DYNC1I1: variants seen among roughly 807,000 people sequenced by gnomAD.
The protein encoded by DYNC1I1 is dynein cytoplasmic 1 intermediate chain 1, also known as cytoplasmic dynein 1 intermediate chain 1.
Under a neutral mutation model 86.6 loss-of-function variants are expected in DYNC1I1, and 43 were observed. The observed-to-expected ratio is 0.50, with a 90% CI of 0.39 to 0.64. The LOEUF is 0.64. Ranked by LOEUF, DYNC1I1 falls within the 30% of genes least tolerant of loss-of-function variation. The pLI is 0.00. For synonymous variants in DYNC1I1, 262 were observed against 283.7 expected, an observed-to-expected ratio of 0.92 and a Z score of 0.77; for missense variants, 604 against 788.8, an observed-to-expected ratio of 0.77 and a Z score of 2.81.
chr7:96,096,863 G>T (rs6974235), intron 16 of DYNC1I1, among the ~76,000 whole-genome samples: 63,378 of 151,874 alleles, frequency 0.42, 14,229 homozygotes, highest in Non-Finnish European at 0.51. Flanking sequence ...GGCACAATAG[G>T]ATTATTATGA....
At chr7:95,904,291 C>G (rs1005904509) in intron 6 of DYNC1I1, among the ~76,000 whole-genome samples, 5 of 152,114 alleles carry the variant, frequency 3.3e-5, no homozygotes, top group Admixed American at 6.5e-5. Context: ...TTTCCCTGCT[C>G]ATCTGTGTAA....
intron 6 of DYNC1I1, among the ~76,000 whole-genome samples, chr7:95,871,452 C>T (rs1361193692): frequency 6.6e-6 from 1 of 152,156 alleles, no homozygotes; most frequent in African/African-American, 2.4e-5. Context: ...ACAGGAAGAT[C>T]GTTAAAAAAC....
At chr7:96,003,499 G>A (rs1794066516) in intron 10 of DYNC1I1, among the ~76,000 whole-genome samples, 1 of 152,104 alleles carries the variant, frequency 6.6e-6, no homozygotes, top group African/African-American at 2.4e-5. Flanking sequence ...TATGACCCAA[G>A]GACCCCTTTG....
At chr7:96,057,457 A>G (rs747004512) in intron 14 of DYNC1I1, among the ~76,000 whole-genome samples, 5 of 152,178 alleles carry the variant, frequency 3.3e-5, no homozygotes, top group Non-Finnish European at 7.3e-5. Context: ...CTGTTAAATA[A>G]AATGGTTTAA....
chr7:95,787,380 A>G (rs111498283), intron 1 of DYNC1I1, among the ~76,000 whole-genome samples: 2 of 152,196 alleles, frequency 1.3e-5, no homozygotes, highest in African/African-American at 4.8e-5. Flanking sequence ...TGGTGGTCCA[A>G]TTATGTTAAT....
intron 6 of DYNC1I1, among the ~76,000 whole-genome samples, chr7:95,910,898 A>G (rs1366320198): frequency 6.6e-6 from 1 of 152,194 alleles, no homozygotes; most frequent in African/African-American, 2.4e-5. Flanking sequence ...AATATTGGCC[A>G]TCATCATCTT....
intron 14 of DYNC1I1, among the ~76,000 whole-genome samples, chr7:96,043,716 A>AT (rs996230199): frequency 7.3e-4 from 108 of 147,466 alleles, no homozygotes; most frequent in African/African-American, 1.4e-3. Flanking sequence ...ATTTTTAGTA[A>AT]TTTTTTTTTT....
intron 6 of DYNC1I1, among the ~76,000 whole-genome samples, chr7:95,888,642 A>T (rs1406262979): frequency 4.6e-5 from 7 of 152,238 alleles, no homozygotes; most frequent in Admixed American, 3.9e-4. Context: ...AGACAAAAAA[A>T]TTGCCAAAGG....
At chr7:95,836,465 G>A (rs1789094359) in intron 5 of DYNC1I1, among the ~76,000 whole-genome samples, 1 of 151,448 alleles carries the variant, frequency 6.6e-6, no homozygotes, top group Non-Finnish European at 1.5e-5. Flanking sequence ...CTCTTCTCGA[G>A]GAGTATCTTT....
In DYNC1I1 at chr7:96,007,926, T is replaced by C. The variant is rs139057125; in HGVS notation, c.969+11853T>C. 3.2e-3 allele frequency among the ~76,000 whole-genome samples: 487 copies of C among 152,286 alleles called. 3 individuals carry two copies. Among genetic ancestry groups the C allele is most frequent in the Middle Eastern group, 0.01 (3 of 294 alleles). ...CTGAGCCTGAGGGGCCACAGTCCAT[T>C]TCTCTGGTTAAGCTAGGTCAGTACC... On this transcript the variant is annotated intron_variant, in intron 10 of 16. Coordinates refer to ENST00000447467, the MANE Select transcript of DYNC1I1 (RefSeq NM_001135556.2).
intron 6 of DYNC1I1, among the ~76,000 whole-genome samples, chr7:95,909,416 C>A (rs1057434124): frequency 6.6e-6 from 1 of 152,004 alleles, no homozygotes; most frequent in African/African-American, 2.4e-5. Context: ...CATTTTTAAA[C>A]CTGTGTTTAT....
At chr7:96,103,755 G>C (rs551283285) in intron 16 of DYNC1I1, among the ~76,000 whole-genome samples, 1 of 152,202 alleles carries the variant, frequency 6.6e-6, no homozygotes, top group African/African-American at 2.4e-5. Flanking sequence ...TGGGATTACA[G>C]GCATATACCA....
chr7:96,066,573 T>A (rs1789997788), intron 14 of DYNC1I1, among the ~76,000 whole-genome samples: 1 of 152,196 alleles, frequency 6.6e-6, no homozygotes. Context: ...CCTGGGTACC[T>A]CCTTGTGATA....
At chr7:95,868,578 A>AGAG (rs896403083) in intron 5 of DYNC1I1, among the ~76,000 whole-genome samples, 9 of 152,060 alleles carry the variant, frequency 5.9e-5, no homozygotes, top group African/African-American at 2.2e-4. Context: ...TTTCTCCCAC[A>AGAG]GAGACGCATG....
intron 2 of DYNC1I1, among the ~76,000 whole-genome samples, chr7:95,807,021 A>G (rs1395313965): frequency 1.3e-5 from 2 of 152,142 alleles, no homozygotes; most frequent in Non-Finnish European, 2.9e-5. Flanking sequence ...GGAGAAAGGA[A>G]TGATGTCTTC....
intron 6 of DYNC1I1, among the ~76,000 whole-genome samples, chr7:95,896,392 G>C (rs111590900): frequency 1.3e-5 from 2 of 152,128 alleles, no homozygotes; most frequent in African/African-American, 4.8e-5. Context: ...CTAATAATGC[G>C]TGCTTATATT....
In DYNC1I1 at chr7:95,777,647, T is replaced by C. The variant is rs951966390; in HGVS notation, c.-10+4874T>C. Among the ~76,000 whole-genome samples, 4 of 152,184 alleles carry C rather than the reference T, an allele frequency of 2.6e-5. No individual in the cohort carries two copies. In the East Asian group the frequency reaches 7.7e-4, roughly 29 times the overall value. ...TCGCATAGAACAACCCACTGTTTCA[T>C]TTTGGGGGTTCAGAACAGCTAATGC... On this transcript the variant is annotated intron_variant, in intron 1 of 16. Coordinates refer to ENST00000447467, the MANE Select transcript of DYNC1I1 (RefSeq NM_001135556.2).
Position 96,092,085 on chromosome 7 carries a change from C to T in DYNC1I1, c.1777-5398C>T, listed in dbSNP as rs146357771. On this transcript the variant is annotated intron_variant, in intron 16 of 16. Transcript: ENST00000447467. ...TTGAAAGAACTCTTTCCCTGTCCCCCGTTCATGAAAGTTAGCTATTATTAA... is the reference window on the plus strand; with the variant it reads ...TTGAAAGAACTCTTTCCCTGTCCCCTGTTCATGAAAGTTAGCTATTATTAA... 2.4e-3 allele frequency among the ~76,000 whole-genome samples: 369 copies of T among 152,064 alleles called. 3 individuals are homozygous for T. Among genetic ancestry groups the T allele is most frequent in the African/African-American group, 8.4e-3 (349 of 41,474 alleles).
intron 5 of DYNC1I1, among the ~76,000 whole-genome samples, chr7:95,852,623 C>T (rs750725793): frequency 6.6e-6 from 1 of 152,096 alleles, no homozygotes; most frequent in African/African-American, 2.4e-5. Flanking sequence ...TCTCCTGCCT[C>T]AGCCTCCCGG....
Sources: gnomAD v4.1 joint callset for allele counts (sites outside exome capture counted in the v4.1 genomes callset) on GRCh38, gnomAD v4.1.1 for gene constraint, MANE v1.5 for transcripts, NCBI Gene and HGNC (gene_info 2026-07-23, HGNC 2026-07-21) for gene names.